CFTR: variants seen among roughly 807,000 people sequenced by gnomAD.
The protein encoded by CFTR is CF transmembrane conductance regulator.
A neutral mutation model predicts 171.6 loss-of-function variants in CFTR; 181 were observed. The ratio of observed to expected loss-of-function variants is 1.05; its 90% CI spans 0.93 to 1.19. The LOEUF is 1.19. Among genes scored for constraint, CFTR ranks in the 50% most tolerant of loss-of-function variants. The probability of loss-of-function intolerance (pLI) is 0.00; values close to 1 mark genes in which losing one functional copy is unlikely to be tolerated. For synonymous variants in CFTR, 583 were observed against 608.0 expected, an observed-to-expected ratio of 0.96 and a Z score of 0.60; for missense variants, 1,968 against 1,734.7, an observed-to-expected ratio of 1.13 and a Z score of -2.39.
At chr7:117,632,108 C>G (rs758309434) in intron 22 of CFTR, among the ~76,000 whole-genome samples, 16 of 152,100 alleles carry the variant, frequency 1.1e-4, no homozygotes, top group Non-Finnish European at 1.5e-4. Flanking sequence ...GTCCTTGAAC[C>G]AGCATCACCT....
chr7:117,608,139 A>G (rs1333442190), intron 18 of CFTR, among the ~76,000 whole-genome samples: 1 of 152,196 alleles, frequency 6.6e-6, no homozygotes, highest in African/African-American at 2.4e-5. Context: ...TTTATAAATT[A>G]ACATTTTTGA....
chr7:117,521,842 AC>A (rs979071125), intron 3 of CFTR, among the ~76,000 whole-genome samples: 67 of 152,114 alleles, frequency 4.4e-4, no homozygotes, highest in African/African-American at 1.5e-3. Flanking sequence ...TATTTTTTTC[AC>A]CTGAACTTTC....
intron 11 of CFTR, among the ~76,000 whole-genome samples, chr7:117,560,549 G>T (rs1003262845): frequency 6.6e-6 from 1 of 151,920 alleles, no homozygotes; most frequent in African/African-American, 2.4e-5. Context: ...AAATGGAAAA[G>T]GGCAAACCGT....
chr7:117,666,996 C>T lies in CFTR; in HGVS notation c.4331C>T (p.Ser1444Phe), dbSNP rs755388886. Residue 1444 changes from serine to phenylalanine, a missense_variant, in exon 27 of 27, where the codon TCC becomes TTC. Physicochemically the swap from Ser to Phe is radical, Grantham distance 155. Transcript: ENST00000003084. Reference protein sequence around the residue: ...RSLFRQAISPSDRVKLFPHRN... With the variant: ...RSLFRQAISPFDRVKLFPHRN... ...CTCTTCCGGCAAGCCATCAGCCCCTCCGACAGGGTGAAGCTCTTTCCCCAC... is the reference window on the plus strand; with the variant it reads ...CTCTTCCGGCAAGCCATCAGCCCCTTCGACAGGGTGAAGCTCTTTCCCCAC... 5.0e-6 allele frequency: 8 copies of T among 1,613,926 alleles called. No individual in the cohort carries two copies. The highest frequency in any genetic ancestry group is 6.8e-6 in the Non-Finnish European group (8 of 1,179,994).
At chr7:117,623,172 T>G (rs943553010) in intron 21 of CFTR, among the ~76,000 whole-genome samples, 4 of 152,230 alleles carry the variant, frequency 2.6e-5, no homozygotes, top group Non-Finnish European at 5.9e-5. Context: ...TGTCAAGTAT[T>G]CTTCCCCACA....
rs200885306 is a variant in CFTR at position 117,534,276 on chromosome 7, A to G, written c.490A>G (p.Thr164Ala). 80 of 1,516,632 alleles carry G rather than the reference A, an allele frequency of 5.3e-5. No homozygotes were observed. Among genetic ancestry groups the G allele is most frequent in the Non-Finnish European group, 7.1e-5 (78 of 1,092,998 alleles). 93.9% of individuals were successfully genotyped at this position (1,516,632 alleles called of 1,614,324 possible). ...IAMFSLIYKK[T>A]LKLSSRVLDK... ...ATCTAACTTTCCATTTTTCTTTTAG[A>G]CTTTAAAGCTGTCAAGCCGTGTTCT... The change falls in exon 5 of 27, where the codon ACT becomes GCT. Residue 164 changes from threonine to alanine, a missense_variant and splice_region_variant. Thr to Ala is a moderately conservative substitution (Grantham distance 58). Transcript: ENST00000003084.
intron 8 of CFTR, among the ~76,000 whole-genome samples, chr7:117,540,822 C>T (rs190648499): frequency 9.1e-4 from 139 of 152,220 alleles, no homozygotes; most frequent in African/African-American, 3.2e-3. Context: ...TAATCTAGGC[C>T]AGAGGTTGCA....
At position 117,480,156 on chromosome 7, in the gene CFTR, G is replaced by A. The variant is rs745414764; in HGVS notation, c.53+9G>A. On this transcript the variant is annotated intron_variant, in intron 1 of 26. Transcript: ENST00000003084. ...TCCAAACTTTTTTTCAGGTGAGAAG[G>A]TGGCCAACCGAGCTTCGGAAAGACA... 4 of 1,613,842 alleles carry A rather than the reference G, an allele frequency of 2.5e-6. No homozygotes were observed. The highest frequency in any genetic ancestry group is 2.2e-5 in the South Asian group (2 of 91,078).
In CFTR at chr7:117,649,125, A is replaced by T. The variant is rs962798202; in HGVS notation, c.3874-3717A>T. On this transcript the variant is annotated intron_variant, in intron 23 of 26. Coordinates refer to ENST00000003084, the MANE Select transcript of CFTR (RefSeq NM_000492.4). ...ATACTTTGATAGATATTTTATATAAACTATTAGACTATAGTATTATGAGTA... is the reference window on the plus strand; with the variant it reads ...ATACTTTGATAGATATTTTATATAATCTATTAGACTATAGTATTATGAGTA... Among the ~76,000 whole-genome samples, 17 of 151,922 alleles carry T rather than the reference A, an allele frequency of 1.1e-4. No homozygotes were observed. In the East Asian group the frequency reaches 3.1e-3, roughly 28 times the overall value.
chr7:117,514,687 C>G (rs1798572061), intron 3 of CFTR, among the ~76,000 whole-genome samples: 1 of 152,040 alleles, frequency 6.6e-6, no homozygotes, highest in African/African-American at 2.4e-5. Context: ...AATGAGATTG[C>G]TGGGTCAAAT....
At chr7:117,666,217 G>T (rs1793374482) in intron 26 of CFTR, among the ~76,000 whole-genome samples, 1 of 152,128 alleles carries the variant, frequency 6.6e-6, no homozygotes, top group South Asian at 2.1e-4. Flanking sequence ...AAACAAAACT[G>T]TCACAGCTTC....
At chr7:117,491,119 A>G (rs1798153343) in intron 1 of CFTR, among the ~76,000 whole-genome samples, 1 of 152,104 alleles carries the variant, frequency 6.6e-6, no homozygotes, top group South Asian at 2.1e-4. Context: ...CTTCTAGGCT[A>G]CAAACCTGTA....
intron 22 of CFTR, among the ~76,000 whole-genome samples, chr7:117,638,736 C>CATAAATAAATAA (rs201930686): frequency 0.045 from 6,516 of 145,018 alleles, 254 homozygotes; most frequent in African/African-American, 0.096. Flanking sequence ...AACTCCATCT[C>CATAAATAAATAA]ATAAATAAAT....
chr7:117,611,323 CAAGA>C, intron 19 of CFTR, among the ~76,000 whole-genome samples: 1 of 151,772 alleles, frequency 6.6e-6, no homozygotes, highest in East Asian at 1.9e-4. Flanking sequence ...CAGTGGTAGC[CAAGA>C]AAGAGGAATA....
chr7:117,495,199 G>C (rs1798219134), intron 1 of CFTR, among the ~76,000 whole-genome samples: 1 of 152,166 alleles, frequency 6.6e-6, no homozygotes, highest in Admixed American at 6.5e-5. Flanking sequence ...TTATAGGGTA[G>C]TTAATCATTC....
At chr7:117,599,148 G>A (rs886885628) in intron 15 of CFTR, among the ~76,000 whole-genome samples, 2 of 152,106 alleles carry the variant, frequency 1.3e-5, no homozygotes, top group Non-Finnish European at 2.9e-5. Context: ...ATGTCTGCCA[G>A]TCATGCCAAA....
chr7:117,636,991 A>G (rs1030252453), intron 22 of CFTR, among the ~76,000 whole-genome samples: 2 of 151,236 alleles, frequency 1.3e-5, no homozygotes, highest in South Asian at 2.1e-4. Context: ...TAATTTTTGT[A>G]TTTTTAGTAG....
rs201591901 is a variant in CFTR at position 117,611,730 on chromosome 7, C to T, written c.3289C>T (p.Arg1097Cys). ...CTGGTTCTTGTACCTGTCAACACTG[C>T]GCTGGTTCCAAATGAGAATAGAAAT... is the stretch of plus-strand genomic sequence containing the variant. ...ANWFLYLSTL[R>C]WFQMRIEMIF... Residue 1097 changes from arginine (R) to cysteine (C), a missense_variant, in exon 20 of 27, where the codon CGC becomes TGC. By Grantham distance (180) the Arg-to-Cys change is radical. Transcript: ENST00000003084. 6.1e-5 allele frequency: 99 copies of T among 1,613,452 alleles called. 1 individual carries two copies. In the East Asian group the frequency reaches 1.8e-3, roughly 29 times the overall value.
At chr7:117,506,329 CT>C in intron 2 of CFTR, among the ~76,000 whole-genome samples, 1 of 152,276 alleles carries the variant, frequency 6.6e-6, no homozygotes, top group East Asian at 1.9e-4. Context: ...TCACTGCAAA[CT>C]TCGTCTCCTG....
Sources: allele counts gnomAD v4.1 joint callset (sites outside exome capture counted in the v4.1 genomes callset), GRCh38; gene constraint gnomAD v4.1.1; transcripts MANE v1.5; gene names NCBI Gene and HGNC (gene_info 2026-07-23, HGNC 2026-07-21).